The following BAZ2B variants were observed in gnomAD, a reference collection of about 807,000 sequenced individuals.
BAZ2B encodes bromodomain adjacent to zinc finger domain 2B, also known as bromodomain adjacent to zinc finger domain protein 2B.
A neutral mutation model predicts 246.0 loss-of-function variants in BAZ2B; 91 were observed. That is an observed-to-expected ratio of 0.37 (90% CI 0.31 to 0.44). BAZ2B has a LOEUF of 0.44. Ranked by LOEUF, BAZ2B falls within the 20% of genes least tolerant of loss-of-function variation. The pLI is 1.00. For missense variants in BAZ2B, 2,332 were observed against 2,533.7 expected, an observed-to-expected ratio of 0.92 and a Z score of 1.71; for synonymous variants, 855 against 860.0, an observed-to-expected ratio of 0.99 and a Z score of 0.10.
At chr2:159,520,477 T>C (rs1222113518) in intron 2 of BAZ2B, among the ~76,000 whole-genome samples, 1 of 152,194 alleles carries the variant, frequency 6.6e-6, no homozygotes, top group African/African-American at 2.4e-5. Flanking sequence ...ATTCTCCTTA[T>C]TAGATCTTGA....
At chr2:159,666,024 A>G in the BAZ2B span, among the ~76,000 whole-genome samples, 1 of 152,138 alleles carries the variant, frequency 6.6e-6, no homozygotes, top group East Asian at 1.9e-4. Flanking sequence ...TTTATGATGT[A>G]CCTAGGCAAA....
rs2070400202 is a variant in BAZ2B, at chr2:159,428,427, T to A, written c.2256-8A>T. 1 of 1,602,854 alleles carries A rather than the reference T, an allele frequency of 6.2e-7. No homozygotes were observed. Among genetic ancestry groups the A allele is most frequent in the Non-Finnish European group, 8.5e-7 (1 of 1,172,048 alleles). ...CTTGTCTCTCTCTGCCAGCTACACA[T>A]AACAGAAATGAAGGTTATGACATAC... On this transcript the variant is annotated splice_polypyrimidine_tract_variant and splice_region_variant and intron_variant, in intron 11 of 36. Coordinates refer to ENST00000392783, the MANE Select transcript of BAZ2B (RefSeq NM_013450.4).
At chr2:159,501,558 T>C (rs2081845886) in intron 2 of BAZ2B, among the ~76,000 whole-genome samples, 1 of 152,044 alleles carries the variant, frequency 6.6e-6, no homozygotes, top group African/African-American at 2.4e-5. Context: ...AAAATTATTC[T>C]AAAAATGACC....
the BAZ2B span, chr2:159,689,684 T>A: frequency 2.8e-6 from 1 of 354,396 alleles, no homozygotes; most frequent in Non-Finnish European, 5.3e-6. Context: ...CATTTTTACT[T>A]TTCTAACAAA....
chr2:159,324,697 A>C (rs2063215796), intron 36 of BAZ2B, 114 bp downstream of exon 36: 1 of 497,774 alleles, frequency 2.0e-6, no homozygotes, highest in African/African-American at 2.2e-5. Flanking sequence ...CACCTGCCTC[A>C]AAGGCAGGGC....
chr2:159,325,250 C>T (rs1221861902), intron 35 of BAZ2B, among the ~76,000 whole-genome samples: 2 of 146,908 alleles, frequency 1.4e-5, no homozygotes, highest in South Asian at 2.2e-4. Context: ...CCTGCCTCAG[C>T]CCCTCGAGTA....
Position 159,349,945 on chromosome 2 carries a change from A to G in BAZ2B, c.4626T>C (p.Pro1542=), listed in dbSNP as rs2058377355. 3.1e-6 allele frequency: 5 copies of G among 1,614,014 alleles called. No homozygotes were observed. The Admixed American group carries it at 5.0e-5, about 16-fold the overall frequency. ...GSSGPGKFYS[P]LPNDQLLKTL... is the part of the protein sequence containing the mutation. ...TTTTTAGTAACTGGTCATTGGGGAG[A>G]GGACTGTAGAACTTCCCTGGACCAC... The change falls in exon 28 of 37, where the codon CCT becomes CCC. Residue 1542 remains proline, a synonymous_variant. Transcript: ENST00000392783.
chr2:159,497,444 G>A (rs2081281606), intron 2 of BAZ2B, among the ~76,000 whole-genome samples: 1 of 152,144 alleles, frequency 6.6e-6, no homozygotes, highest in South Asian at 2.1e-4. Flanking sequence ...TGATGTTGAG[G>A]AAATCCTTGT....
intron 3 of BAZ2B, among the ~76,000 whole-genome samples, chr2:159,464,976 A>G (rs1445566215): frequency 6.6e-6 from 1 of 152,254 alleles, no homozygotes; most frequent in African/African-American, 2.4e-5. Context: ...CATAATGAAC[A>G]TAAATTATTA....
At chr2:159,446,110 T>A (rs1482432826) in intron 6 of BAZ2B, among the ~76,000 whole-genome samples, 1 of 151,602 alleles carries the variant, frequency 6.6e-6, no homozygotes, top group African/African-American at 2.4e-5. Flanking sequence ...CCAGACTCTG[T>A]CAAAGGAGAA....
chr2:159,588,551 G>C (rs895638616), intron 1 of BAZ2B, among the ~76,000 whole-genome samples: 1 of 152,096 alleles, frequency 6.6e-6, no homozygotes, highest in African/African-American at 2.4e-5. Flanking sequence ...TATGACCATA[G>C]TCCATTATTT....
intron 2 of BAZ2B, among the ~76,000 whole-genome samples, chr2:159,502,341 A>G (rs2081934620): frequency 6.6e-6 from 1 of 151,806 alleles, no homozygotes; most frequent in Non-Finnish European, 1.5e-5. Context: ...TTAAAAAAAA[A>G]AAGGCTGGCA....
chr2:159,638,440 T>G, the BAZ2B span, among the ~76,000 whole-genome samples: 4 of 152,222 alleles, frequency 2.6e-5, no homozygotes. Flanking sequence ...AAGAGATATA[T>G]GACCTTTCAG....
chr2:159,672,653 C>T, the BAZ2B span, among the ~76,000 whole-genome samples: 1 of 151,988 alleles, frequency 6.6e-6, no homozygotes, highest in African/African-American at 2.4e-5. Context: ...CTGACTCCTC[C>T]CCCTGAATAG....
At chr2:159,613,584 T>C (rs953995557) in intron 1 of BAZ2B, among the ~76,000 whole-genome samples, 2 of 152,174 alleles carry the variant, frequency 1.3e-5, no homozygotes, top group African/African-American at 4.8e-5. Flanking sequence ...GTCTTAATGT[T>C]GTCCAAATTA....
At chr2:159,513,057 C>T (rs775990872) in intron 2 of BAZ2B, among the ~76,000 whole-genome samples, 10 of 152,094 alleles carry the variant, frequency 6.6e-5, no homozygotes, top group Non-Finnish European at 1.3e-4. Flanking sequence ...TATCAATGAC[C>T]TTAGGGAATA....
At chr2:159,666,476 G>T in the BAZ2B span, among the ~76,000 whole-genome samples, 1 of 151,960 alleles carries the variant, frequency 6.6e-6, no homozygotes, top group African/African-American at 2.4e-5. Context: ...GCCCAGGCTG[G>T]TCTCAAACTC....
intron 2 of BAZ2B, among the ~76,000 whole-genome samples, chr2:159,520,469 TCTC>T (rs1253654292): frequency 6.6e-6 from 1 of 152,206 alleles, no homozygotes; most frequent in African/African-American, 2.4e-5. Context: ...ATTTGGGGAT[TCTC>T]CTTATTAGAT....
At chr2:159,423,666 C>T (rs2069199887) in intron 13 of BAZ2B, among the ~76,000 whole-genome samples, 2 of 152,154 alleles carry the variant, frequency 1.3e-5, no homozygotes, top group South Asian at 4.1e-4. Context: ...TATATATACA[C>T]CCAGGAATAC....
Sources: allele counts gnomAD v4.1 joint callset (sites outside exome capture counted in the v4.1 genomes callset), GRCh38; gene constraint gnomAD v4.1.1; transcripts MANE v1.5; gene names NCBI Gene and HGNC (gene_info 2026-07-23, HGNC 2026-07-21).